The following ORC4 variants were observed in gnomAD, a reference collection of about 807,000 sequenced individuals.
The protein encoded by ORC4 is origin recognition complex subunit 4.
In ORC4, 55 loss-of-function variants were observed where a neutral mutation model predicts 63.9. That is an observed-to-expected ratio of 0.86 (90% confidence interval 0.69 to 1.08). The LOEUF is 1.08. Among genes scored for constraint, ORC4 ranks in the 50% least tolerant of loss-of-function variants. The pLI is 0.00. For missense variants in ORC4, 511 were observed against 504.4 expected, an observed-to-expected ratio of 1.01 and a Z score of -0.13; for synonymous variants, 150 against 168.5, an observed-to-expected ratio of 0.89 and a Z score of 0.85.
chr2:147,971,651 T>C (rs1690217399), intron 4 of ORC4, among the ~76,000 whole-genome samples: 1 of 151,906 alleles, frequency 6.6e-6, no homozygotes. Context: ...CATAGCCCTC[T>C]TGTGAAAACT....
At chr2:147,963,160 C>G (rs562401515) in intron 4 of ORC4, among the ~76,000 whole-genome samples, 1 of 152,158 alleles carries the variant, frequency 6.6e-6, no homozygotes, top group South Asian at 2.1e-4. Flanking sequence ...GCCCACGTCG[C>G]TAACCTGAGA....
At chr2:147,976,469 G>A (rs111962111) in intron 1 of ORC4, among the ~76,000 whole-genome samples, 1 of 152,074 alleles carries the variant, frequency 6.6e-6, no homozygotes, top group South Asian at 2.1e-4. Flanking sequence ...TCACTGCAAT[G>A]GTCTGGAACT....
intron 13 of ORC4, chr2:147,937,083 A>G (rs1573739823): frequency 6.6e-6 from 1 of 152,098 alleles, no homozygotes; most frequent in Non-Finnish European, 1.5e-5. Flanking sequence ...AGCTCTCACA[A>G]AATAAGACTA....
intron 1 of ORC4, among the ~76,000 whole-genome samples, chr2:148,015,674 C>CT (rs372478805): frequency 0.011 from 1,612 of 142,474 alleles, 32 homozygotes; most frequent in East Asian, 0.053. Flanking sequence ...GCATTTCTTG[C>CT]TTTTTTTTTT....
intron 1 of ORC4, among the ~76,000 whole-genome samples, chr2:148,019,668 T>G (rs756805684): frequency 6.6e-6 from 1 of 152,216 alleles, no homozygotes; most frequent in African/African-American, 2.4e-5. Flanking sequence ...TTTAGATTCT[T>G]GGTTTTTAAA....
chr2:147,951,674 A>G (rs918417142), intron 8 of ORC4: 1 of 152,196 alleles, frequency 6.6e-6, no homozygotes, highest in Non-Finnish European at 1.5e-5. Context: ...TTTAAAAATT[A>G]CCAAGTCTCA....
rs749125731 is a variant in ORC4, at chr2:147,958,358, G to T, written c.327C>A (p.Ile109=). 3.2e-5 allele frequency: 51 copies of T among 1,611,808 alleles called. No individual in the cohort carries two copies. Among genetic ancestry groups the T allele is most frequent in the Non-Finnish European group, 4.2e-5 (49 of 1,178,584 alleles). The change falls in exon 6 of 14, where the codon ATC becomes ATA. Residue 109 remains isoleucine (I), a synonymous_variant. Transcript: ENST00000392857. ...LNGLLQINDK[I]ALKEITRQLN... ...ACTGCCTTGTGATTTCCTTTAGGGC[G>T]ATTTTGTCATTGATCTGCAGCAGTC...
At chr2:147,979,763 TA>T (rs1348735326) in intron 1 of ORC4, among the ~76,000 whole-genome samples, 1 of 152,020 alleles carries the variant, frequency 6.6e-6, no homozygotes, top group Non-Finnish European at 1.5e-5. Flanking sequence ...AGTCGAGAAA[TA>T]AATCCATACT....
intron 7 of ORC4, among the ~76,000 whole-genome samples, chr2:147,953,881 C>T (rs1467475679): frequency 6.6e-5 from 10 of 152,080 alleles, no homozygotes; most frequent in South Asian, 6.2e-4. Context: ...AATACTGGTA[C>T]AAAACCAAAG....
intron 10 of ORC4, among the ~76,000 whole-genome samples, chr2:147,940,234 T>A (rs1688286922): frequency 6.6e-6 from 1 of 152,266 alleles, no homozygotes; most frequent in South Asian, 2.1e-4. Context: ...TTTGGTTACA[T>A]GAGTAAGTTC....
intron 5 of ORC4, 121 bp from the exon 6 acceptor site, chr2:147,958,504 C>T (rs1651308657): frequency 1.4e-6 from 1 of 705,932 alleles, no homozygotes; most frequent in Non-Finnish European, 2.5e-6. Flanking sequence ...TCACTTTCTT[C>T]TTAAAACTTA....
chr2:147,958,720 A>T, intron 5 of ORC4, 71 bp downstream of exon 5: 2 of 783,150 alleles, frequency 2.6e-6, no homozygotes, highest in Non-Finnish European at 4.5e-6. Context: ...AATGGATTTG[A>T]AATATACAAG....
chr2:147,989,743 C>T (rs1691465153), intron 1 of ORC4, among the ~76,000 whole-genome samples: 1 of 151,962 alleles, frequency 6.6e-6, no homozygotes, highest in Admixed American at 6.6e-5. Context: ...CAACAAGAAA[C>T]AAAAACCATG....
intron 1 of ORC4, among the ~76,000 whole-genome samples, chr2:147,995,687 G>A (rs1008066512): frequency 2.6e-5 from 4 of 152,034 alleles, no homozygotes; most frequent in South Asian, 2.1e-4. Flanking sequence ...CACTCACTGC[G>A]AAGGTCCGCT....
At chr2:147,953,167 T>C (rs1162072487) in intron 7 of ORC4, among the ~76,000 whole-genome samples, 2 of 138,444 alleles carry the variant, frequency 1.4e-5, no homozygotes, top group Non-Finnish European at 3.1e-5. Context: ...CCATCTCTGC[T>C]ATTAAAAAAA....
intron 1 of ORC4, among the ~76,000 whole-genome samples, chr2:147,988,804 AAAG>A (rs1429398603): frequency 6.6e-6 from 1 of 152,120 alleles, no homozygotes; most frequent in African/African-American, 2.4e-5. Context: ...AAAAAAAAAA[AAAG>A]ATTTACTTCA....
chr2:147,958,302 A>G lies in ORC4; in HGVS notation c.383T>C (p.Val128Ala), dbSNP rs1689376533. 6.3e-7 allele frequency: 1 copy of G among 1,598,446 alleles called. No individual in the cohort carries two copies. Among genetic ancestry groups the G allele is most frequent in the Non-Finnish European group, 8.6e-7 (1 of 1,166,442 alleles). The stretch of plus-strand genomic sequence containing the variant: ...AATAACTGAAATGATACTTACAAAA[A>G]CTTTATCTCCAACTACATTTTCCAG... ...LNLENVVGDK[V>A]FGSFAENLSF... The change falls in exon 6 of 14, where the codon GTT becomes GCT. Residue 128 changes from valine to alanine, a missense_variant. Transcript: ENST00000392857.
At chr2:147,999,363 CT>C (rs1197367983) in intron 1 of ORC4, among the ~76,000 whole-genome samples, 6 of 152,162 alleles carry the variant, frequency 3.9e-5, no homozygotes, top group African/African-American at 1.2e-4. Flanking sequence ...TTGAGGCCCC[CT>C]AGCTCTCTTC....
At chr2:147,958,226 T>C in intron 6 of ORC4, 72 bp downstream of exon 6, 1 of 953,820 alleles carries the variant, frequency 1.0e-6, no homozygotes, top group Non-Finnish European at 1.6e-6. Flanking sequence ...CTTCCAGAAA[T>C]ATAAAAATAT....
Sources: allele counts gnomAD v4.1 joint callset (sites outside exome capture counted in the v4.1 genomes callset), GRCh38; gene constraint gnomAD v4.1.1; transcripts MANE v1.5; gene names NCBI Gene and HGNC (gene_info 2026-07-23, HGNC 2026-07-21).